The following PKD2 variants were observed in gnomAD, a reference collection of about 807,000 sequenced individuals.
The protein encoded by PKD2 is polycystin-2.
Under a neutral mutation model 105.9 loss-of-function variants are expected in PKD2, and 48 were observed. The ratio of observed to expected loss-of-function variants is 0.45; its 90% CI spans 0.36 to 0.58. PKD2 has a LOEUF of 0.58. PKD2 is among the 20% of genes least tolerant of loss of function. PKD2 has a pLI of 0.00. For synonymous variants in PKD2, 464 were observed against 481.1 expected, an observed-to-expected ratio of 0.96 and a Z score of 0.46; for missense variants, 1,078 against 1,255.3, an observed-to-expected ratio of 0.86 and a Z score of 2.13.
At chr4:88,014,786 A>G (rs1193240098) in intron 1 of PKD2, among the ~76,000 whole-genome samples, 1 of 152,218 alleles carries the variant, frequency 6.6e-6, no homozygotes, top group African/African-American at 2.4e-5. Context: ...ATCTGGACCA[A>G]CTGGGCCTCC....
rs371249995 is a variant in PKD2, at chr4:88,074,926, G to A, written c.2637G>A (p.Glu879=). 4.0e-5 allele frequency: 64 copies of A among 1,614,058 alleles called. No homozygotes were observed. Among genetic ancestry groups the A allele is most frequent in the Non-Finnish European group, 5.3e-5 (62 of 1,180,022 alleles). The change falls in exon 14 of 15, where the codon GAG becomes GAA. Residue 879 remains glutamate (E), a synonymous_variant. Transcript: ENST00000237596. ...AGCGAGCCAAACTGAAGAGGAGGGA[G>A]GTGCTGGGAAGGCTGTTGGATGGGG... ...IMERAKLKRR[E]VLGRLLDGVA...
Position 88,016,721 on chromosome 4 carries a change from G to A in PKD2, c.596-2737G>A, listed in dbSNP as rs190225947. ...CACATCTGTAATCCCAGCACTTTGA[G>A]AGGCCAAGGTGAGAGGATTGCTTGA... On this transcript the variant is annotated intron_variant, in intron 1 of 14. Coordinates refer to ENST00000237596, the MANE Select transcript of PKD2 (RefSeq NM_000297.4). 9.6e-4 allele frequency among the ~76,000 whole-genome samples: 146 copies of A among 152,292 alleles called. 1 individual carries two copies. Among genetic ancestry groups the A allele is most frequent in the South Asian group, 1.7e-3 (8 of 4,828 alleles).
rs751039978 is a variant in PKD2 at position 88,057,962 on chromosome 4, T to G, written c.1899-21T>G. On this transcript the variant is annotated intron_variant, in intron 8 of 14. Coordinates refer to ENST00000237596, the MANE Select transcript of PKD2 (RefSeq NM_000297.4). ...GACATTCTTTGTTTTTGTATTGTGG[T>G]GTTTTGTTTTATTTTTATAGCTTCA... The G allele has an allele frequency of 3.2e-6, 5 of 1,558,464 alleles. No individual in the cohort carries two copies. In the Admixed American group the frequency reaches 8.3e-5, roughly 26 times the overall value.
intron 2 of PKD2, among the ~76,000 whole-genome samples, chr4:88,022,076 G>A (rs1726771546): frequency 6.6e-6 from 1 of 152,168 alleles, no homozygotes; most frequent in African/African-American, 2.4e-5. Flanking sequence ...AGACTCATGA[G>A]GCTGTTTCAT....
intron 2 of PKD2, among the ~76,000 whole-genome samples, chr4:88,035,806 G>A (rs978094643): frequency 2.6e-5 from 4 of 152,184 alleles, no homozygotes; most frequent in East Asian, 1.9e-4. Flanking sequence ...GTAGGCTGGT[G>A]TGCACAGCAG....
At chr4:88,033,256 G>A (rs13119877) in intron 2 of PKD2, among the ~76,000 whole-genome samples, 60,342 of 151,630 alleles carry the variant, frequency 0.4, 12,731 homozygotes, top group African/African-American at 0.54. Context: ...GCGAAACCCC[G>A]TCTCTACAAA....
In PKD2 at chr4:88,049,111, T is replaced by C. The variant is rs181448162; in HGVS notation, c.1548+2241T>C. Among the ~76,000 whole-genome samples, 358 of 152,372 alleles carry C rather than the reference T, an allele frequency of 2.3e-3. 2 individuals carry two copies. The highest frequency in any genetic ancestry group is 8.1e-3 in the African/African-American group (335 of 41,594). ...ATCAACAAAAGACTAGTCAGTGGTA[T>C]TCACCCTTTTTGATCATACACACCT... On this transcript the variant is annotated intron_variant, in intron 6 of 14. Coordinates refer to ENST00000237596, the MANE Select transcript of PKD2 (RefSeq NM_000297.4).
intron 2 of PKD2, among the ~76,000 whole-genome samples, chr4:88,029,116 G>A (rs935724467): frequency 6.6e-6 from 1 of 152,116 alleles, no homozygotes; most frequent in Non-Finnish European, 1.5e-5. Context: ...CAAGGTCACG[G>A]GGGATGGCTC....
chr4:88,019,936 A>C (rs1329241268), intron 2 of PKD2, among the ~76,000 whole-genome samples: 1 of 152,244 alleles, frequency 6.6e-6, no homozygotes, highest in Non-Finnish European at 1.5e-5. Flanking sequence ...CGGGAGAGGC[A>C]AAGAGTTCAA....
intron 7 of PKD2, among the ~76,000 whole-genome samples, chr4:88,053,444 C>G (rs1252778088): frequency 6.6e-6 from 1 of 152,048 alleles, no homozygotes; most frequent in Non-Finnish European, 1.5e-5. Context: ...GTCCCCTGAG[C>G]CCAGGAGTCT....
In PKD2 at chr4:88,008,013, T is replaced by C; in HGVS notation, c.280T>C (p.Phe94Leu). The C allele has an allele frequency of 6.6e-7, 1 of 1,520,842 alleles. No homozygotes were observed. Among genetic ancestry groups the C allele is most frequent in the Admixed American group, 2.0e-5 (1 of 49,294 alleles). The allele number at this position is 1,520,842 out of a possible 1,614,324, so 94.2% of individuals were successfully genotyped here. A position where few individuals can be genotyped will look rare whatever the true frequency, so the allele number is the denominator to read the frequency against. Reference protein sequence around the residue: ...RQAWSRDNPGFEAEEEEEEVE... With the variant: ...RQAWSRDNPGLEAEEEEEEVE... ...GGCGTGGAGCCGCGATAACCCCGGC[T>C]TCGAGGCCGAGGAGGAGGAGGAGGA... The change falls in exon 1 of 15, where the codon TTC becomes CTC. Residue 94 changes from phenylalanine (F) to leucine (L), a missense_variant. Phe to Leu is a conservative substitution (Grantham distance 22). This residue lies in a region of PKD2 where 210 missense variants were observed against 187.9 expected (regional missense o/e 1.12). Transcript: ENST00000237596.
chr4:88,036,039 A>C, intron 2 of PKD2, 181 bp from the exon 3 acceptor site: 1 of 851,074 alleles, frequency 1.2e-6, no homozygotes, highest in Non-Finnish European at 1.9e-6. Context: ...TTTATAAGCC[A>C]GAGATATAGA....
At chr4:88,045,585 T>C (rs1381493899) in intron 5 of PKD2, among the ~76,000 whole-genome samples, 1 of 152,216 alleles carries the variant, frequency 6.6e-6, no homozygotes, top group Non-Finnish European at 1.5e-5. Flanking sequence ...GAGATTCTAT[T>C]TCTAGTTAGA....
At chr4:88,023,664 G>A (rs893765334) in intron 2 of PKD2, among the ~76,000 whole-genome samples, 1 of 152,180 alleles carries the variant, frequency 6.6e-6, no homozygotes, top group Non-Finnish European at 1.5e-5. Flanking sequence ...CTAAGCCTTT[G>A]TTTCCTCACT....
chr4:88,031,671 A>G (rs780172187), intron 2 of PKD2, among the ~76,000 whole-genome samples: 2 of 152,248 alleles, frequency 1.3e-5, no homozygotes, highest in African/African-American at 4.8e-5. Flanking sequence ...CATATATTTA[A>G]TTCAAACCCT....
intron 2 of PKD2, among the ~76,000 whole-genome samples, chr4:88,025,010 G>T (rs182072808): frequency 6.6e-6 from 1 of 152,134 alleles, no homozygotes; most frequent in Non-Finnish European, 1.5e-5. Context: ...GCAGGTGCCT[G>T]TAATCCCAGC....
chr4:88,038,488 C>T lies in PKD2; in HGVS notation c.1081C>T (p.Arg361Ter), dbSNP rs1578130676. 6.2e-7 allele frequency: 1 copy of T among 1,613,774 alleles called. No individual in the cohort carries two copies. Among genetic ancestry groups the T allele is most frequent in the African/African-American group, 1.3e-5 (1 of 74,924 alleles). Residue 361 changes from arginine (R) to a stop codon, truncating the protein, a stop_gained, in exon 4 of 15, where the codon CGA becomes TGA. Coordinates refer to ENST00000237596, the MANE Select transcript of PKD2 (RefSeq NM_000297.4). LOFTEE classifies it high-confidence loss of function. The stretch of plus-strand genomic sequence containing the variant: ...TGAAGATAGGGCTCCCTTTGGGCCC[C>T]GAAATGGAACCGCGTAAGTGTCTGT... ...SSEDRAPFGP[R>*]NGTAWIYTSE... is the part of the protein sequence containing the mutation.
At chr4:88,031,427 G>A (rs1329856949) in intron 2 of PKD2, among the ~76,000 whole-genome samples, 2 of 152,122 alleles carry the variant, frequency 1.3e-5, no homozygotes, top group African/African-American at 4.8e-5. Flanking sequence ...ATCCCTGTGA[G>A]GATACCATAA....
chr4:88,076,312 T>C lies in PKD2; in HGVS notation c.*618T>C, dbSNP rs1214630990. ...GTAAGTTGATCGTATCTGATGTCTG[T>C]GGGACTAACTGTATCACTTAATTTT... is the stretch of plus-strand genomic sequence containing the variant. On this transcript the variant is annotated 3_prime_UTR_variant, in exon 15 of 15. Coordinates refer to ENST00000237596, the MANE Select transcript of PKD2 (RefSeq NM_000297.4). 6.5e-6 allele frequency: 1 copy of C among 153,190 alleles called. No individual in the cohort carries two copies. The highest frequency in any genetic ancestry group is 6.5e-5 in the Admixed American group (1 of 15,452). 9.5% of individuals were successfully genotyped at this position (153,190 alleles called of 1,614,324 possible).
Sources: allele counts gnomAD v4.1 joint callset (sites outside exome capture counted in the v4.1 genomes callset), GRCh38; gene constraint gnomAD v4.1.1; regional missense constraint gnomAD v4.1.1; transcripts MANE v1.5; gene names NCBI Gene and HGNC (gene_info 2026-07-23, HGNC 2026-07-21).